FAS: variants seen among roughly 807,000 people sequenced by gnomAD.
The protein encoded by FAS is Fas cell surface death receptor, also known as tumor necrosis factor receptor superfamily member 6.
In FAS, 5 loss-of-function variants were observed where a neutral mutation model predicts 33.2. The ratio of observed to expected loss-of-function variants is 0.15; its 90% confidence interval spans 0.08 to 0.32. The LOEUF is 0.32. Among genes scored for constraint, FAS ranks in the 10% least tolerant of loss-of-function variants. The pLI, the probability that FAS is intolerant of heterozygous loss-of-function variation, is 1.00. For missense variants in FAS, 339 were observed against 386.0 expected (o/e 0.88, Z 1.02); for synonymous variants, 131 against 130.7 (o/e 1.00, Z -0.01).
At position 88,990,951 on chromosome 10, in the gene FAS, C is replaced by T. The variant is rs1847144532; in HGVS notation, c.30+45C>T. The T allele has an allele frequency of 6.2e-7, 1 of 1,613,826 alleles. No individual in the cohort carries two copies. The highest frequency in any genetic ancestry group is 1.1e-5 in the South Asian group (1 of 91,078). On this transcript the variant is annotated intron_variant, in intron 1 of 8. Coordinates refer to ENST00000652046, the MANE Select transcript of FAS (RefSeq NM_000043.6). The surrounding 1 kb of genome is among the most constrained non-coding windows in gnomAD (Gnocchi z 4.9). ...GGTGGAGGCTTACCCCGTCTTAGTC[C>T]CGGGGATAGGCAAAGTGGGGCGGGC...
chr10:88,994,895 A>G (rs920086029), intron 1 of FAS, among the ~76,000 whole-genome samples: 12 of 151,584 alleles, frequency 7.9e-5, no homozygotes, highest in Non-Finnish European at 1.5e-4. Context: ...GGATACATAT[A>G]TATATATGAC....
chr10:89,014,551 T>G lies in FAS; in HGVS notation c.*101T>G. 9.2e-7 allele frequency: 1 copy of G among 1,092,704 alleles called. No homozygotes were observed. The highest frequency in any genetic ancestry group is 1.3e-6 in the Non-Finnish European group (1 of 740,966). The allele number at this position is 1,092,704 out of a possible 1,614,324, so 67.7% of individuals were successfully genotyped here. A position where few individuals can be genotyped will look rare whatever the true frequency, so the allele number is the denominator to read the frequency against. ...ACTGCTTGGTTTTTTACTGGGTACA[T>G]TTTATCATTTATTAGCGCTGAAGAG... is the stretch of plus-strand genomic sequence containing the variant. On this transcript the variant is annotated 3_prime_UTR_variant, in exon 9 of 9. Coordinates refer to ENST00000652046, the MANE Select transcript of FAS (RefSeq NM_000043.6).
chr10:88,979,949 A>G (rs578082177), intron 2 of FAS, among the ~76,000 whole-genome samples: 1 of 150,582 alleles, frequency 6.6e-6, no homozygotes, highest in African/African-American at 2.4e-5. Flanking sequence ...ACGTTCAAAG[A>G]GCTTCCAAGC....
upstream of FAS, among the ~76,000 whole-genome samples, chr10:88,984,446 G>A (rs1225359799): frequency 6.6e-6 from 1 of 152,188 alleles, no homozygotes; most frequent in Non-Finnish European, 1.5e-5. Flanking sequence ...AATGATAGTA[G>A]CACACTAGTG....
chr10:89,010,359 C>A (rs1267749437), intron 4 of FAS, among the ~76,000 whole-genome samples, 180 bp from the exon 5 acceptor site: 1 of 152,146 alleles, frequency 6.6e-6, no homozygotes, highest in Non-Finnish European at 1.5e-5. Flanking sequence ...TTTCATCCAG[C>A]CATCCAAATT....
At chr10:88,976,833 T>A (rs1201868801) in intron 2 of FAS, among the ~76,000 whole-genome samples, 2 of 152,222 alleles carry the variant, frequency 1.3e-5, no homozygotes, top group Non-Finnish European at 2.9e-5. Context: ...GTTTGAAAAT[T>A]GAATAAAATA....
intron 2 of FAS, among the ~76,000 whole-genome samples, chr10:88,976,939 G>A (rs1846578395): frequency 6.6e-6 from 1 of 152,172 alleles, no homozygotes; most frequent in African/African-American, 2.4e-5. Context: ...CTTATATCTG[G>A]TGAAGGTAAT....
intron 4 of FAS, among the ~76,000 whole-genome samples, chr10:89,009,650 G>A (rs1033215517): frequency 7.9e-5 from 12 of 152,130 alleles, no homozygotes; most frequent in Non-Finnish European, 2.9e-5. Flanking sequence ...AAGCTTTTAG[G>A]AGTTCATCTA....
chr10:88,996,098 A>C (rs1847570648), intron 1 of FAS, among the ~76,000 whole-genome samples: 1 of 152,214 alleles, frequency 6.6e-6, no homozygotes, highest in South Asian at 2.1e-4. Flanking sequence ...TGAGGCTATA[A>C]AAATATAAGA....
chr10:89,009,792 T>A (rs984295759), intron 4 of FAS, among the ~76,000 whole-genome samples: 1 of 152,208 alleles, frequency 6.6e-6, no homozygotes, highest in Non-Finnish European at 1.5e-5. Flanking sequence ...TAGGTAGGCA[T>A]TGGGGAAGCA....
At chr10:88,983,626 A>T (rs1358059537), upstream of FAS, among the ~76,000 whole-genome samples, 7 of 147,456 alleles carry the variant, frequency 4.7e-5, no homozygotes, top group African/African-American at 1.5e-4. Context: ...AAAAAAAAAA[A>T]AAAAAAAAAA....
chr10:89,010,246 T>C (rs1848456624), intron 4 of FAS, among the ~76,000 whole-genome samples: 1 of 152,212 alleles, frequency 6.6e-6, no homozygotes, highest in South Asian at 2.1e-4. Flanking sequence ...ATTACTAGGT[T>C]TAAGTTTATT....
At chr10:89,011,690 T>C (rs190342324) in intron 6 of FAS, among the ~76,000 whole-genome samples, 9 of 152,326 alleles carry the variant, frequency 5.9e-5, no homozygotes, top group Non-Finnish European at 1.2e-4. Context: ...CATCCTGCCA[T>C]AGTCTTGCCG....
intron 3 of FAS, 111 bp from the exon 4 acceptor site, chr10:89,008,778 C>T: frequency 1.1e-6 from 1 of 942,652 alleles, no homozygotes; most frequent in Non-Finnish European, 1.8e-6. Flanking sequence ...CATGCTGTGA[C>T]TGTTGATATA....
At chr10:89,013,301 AT>A in intron 7 of FAS, 41 bp from the exon 8 acceptor site, 1 of 1,584,712 alleles carries the variant, frequency 6.3e-7, no homozygotes, top group Non-Finnish European at 8.6e-7. Flanking sequence ...CTAAAGATAT[AT>A]TTTTATTTGT....
chr10:89,013,470 A>C, intron 8 of FAS, 103 bp downstream of exon 8: 1 of 1,136,190 alleles, frequency 8.8e-7, no homozygotes, highest in Non-Finnish European at 1.3e-6. Context: ...ATATTATGGG[A>C]TCTTGTTATT....
At chr10:89,001,534 C>T (rs904193824) in intron 1 of FAS, among the ~76,000 whole-genome samples, 7 of 151,244 alleles carry the variant, frequency 4.6e-5, no homozygotes, top group African/African-American at 1.5e-4. Flanking sequence ...ATGCTAGATC[C>T]GAGGGCTGAC....
upstream of FAS, among the ~76,000 whole-genome samples, chr10:88,985,677 T>C (rs1458257376): frequency 2.6e-5 from 4 of 152,334 alleles, no homozygotes; most frequent in Non-Finnish European, 5.9e-5. Flanking sequence ...TGGCACTAGA[T>C]GGGCTTGGGA....
At chr10:88,999,213 T>C (rs1280708328) in intron 1 of FAS, among the ~76,000 whole-genome samples, 5 of 152,148 alleles carry the variant, frequency 3.3e-5, no homozygotes, top group African/African-American at 1.2e-4. Flanking sequence ...TTTCTGTTTC[T>C]ACTGTTCTCT....
Sources: allele counts gnomAD v4.1 joint callset (sites outside exome capture counted in the v4.1 genomes callset), GRCh38; gene constraint gnomAD v4.1.1; non-coding constraint Gnocchi (gnomAD v3.1); transcripts MANE v1.5; gene names NCBI Gene and HGNC (gene_info 2026-07-23, HGNC 2026-07-21).